ADAMTS8: variants seen among roughly 807,000 people sequenced by gnomAD.
ADAMTS8 encodes the protein ADAM metallopeptidase with thrombospondin type 1 motif 8, also known as A disintegrin and metalloproteinase with thrombospondin motifs 8.
A neutral mutation model predicts 64.4 loss-of-function variants in ADAMTS8; 50 were observed. The ratio of observed to expected loss-of-function variants is 0.78; its 90% confidence interval spans 0.62 to 0.98. The LOEUF is 0.98. ADAMTS8 is among the 50% of genes least tolerant of loss of function. The pLI, the probability that ADAMTS8 is intolerant of heterozygous loss-of-function variation, is 0.00. For synonymous variants in ADAMTS8, 556 were observed against 533.6 expected (o/e 1.04, Z -0.58); for missense variants, 1,192 against 1,208.2 (o/e 0.99, Z 0.20).
Position 130,428,028 on chromosome 11 carries a change from AG to A in ADAMTS8, c.258del (p.Ser87ProfsTer20). The A allele has an allele frequency of 1.3e-6, 2 of 1,526,934 alleles. No homozygotes were observed. Among genetic ancestry groups the A allele is most frequent in the Non-Finnish European group, 1.7e-6 (2 of 1,143,668 alleles). 94.6% of individuals were successfully genotyped at this position (1,526,934 alleles called of 1,614,324 possible). A position where few individuals can be genotyped will look rare whatever the true frequency, so the allele number is the denominator to read the frequency against. On this transcript the variant is annotated frameshift_variant, in exon 1 of 9. Coordinates refer to ENST00000257359, the MANE Select transcript of ADAMTS8 (RefSeq NM_007037.6). LOFTEE classifies it high-confidence loss of function. ...CGCTCGCCCCCGGTCGCCCGGCCGG[AG>A]CCCCCGAGGCGCTCGATCTTGAACT... ...APEFKIERLG[G>X]SGRATGGERG... is the part of the protein sequence containing the mutation.
At chr11:130,413,715 T>A (rs991545643) in intron 5 of ADAMTS8, among the ~76,000 whole-genome samples, 3 of 152,180 alleles carry the variant, frequency 2.0e-5, no homozygotes, top group African/African-American at 7.2e-5. Flanking sequence ...ATCTGTCTCC[T>A]CTCCTCCTCT....
At chr11:130,419,669 G>A (rs973364384) in intron 1 of ADAMTS8, among the ~76,000 whole-genome samples, 3 of 152,212 alleles carry the variant, frequency 2.0e-5, no homozygotes, top group South Asian at 2.1e-4. Context: ...AGTCATATAT[G>A]GCTCGTGGCT....
intron 1 of ADAMTS8, among the ~76,000 whole-genome samples, chr11:130,426,780 G>A (rs1862172101): frequency 6.6e-6 from 1 of 152,222 alleles, no homozygotes; most frequent in Non-Finnish European, 1.5e-5. Context: ...CAGCTGGGTG[G>A]ACCAAGTGTG....
In ADAMTS8 at chr11:130,411,682, G is replaced by T; in HGVS notation, c.1567-82C>A. 1 of 1,415,568 alleles carries T rather than the reference G, an allele frequency of 7.1e-7. No individual in the cohort carries two copies. Among genetic ancestry groups the T allele is most frequent in the Admixed American group, 1.9e-5 (1 of 52,574 alleles). The allele number at this position is 1,415,568 out of a possible 1,614,324, so 87.7% of individuals were successfully genotyped here. A position where few individuals can be genotyped will look rare whatever the true frequency, so the allele number is the denominator to read the frequency against. ...TGTGTCACTGGGTGGCCAATGCCCT[G>T]GCTTCCTCATCTAGTCATTATCATC... is the stretch of plus-strand genomic sequence containing the variant. On this transcript the variant is annotated intron_variant, in intron 5 of 8. Coordinates refer to ENST00000257359, the MANE Select transcript of ADAMTS8 (RefSeq NM_007037.6). The surrounding 1 kb of genome is among the most constrained non-coding windows in gnomAD (Gnocchi z 4.2).
chr11:130,418,555 G>T (rs1862057218), intron 2 of ADAMTS8, among the ~76,000 whole-genome samples: 1 of 152,246 alleles, frequency 6.6e-6, no homozygotes, highest in Non-Finnish European at 1.5e-5. Context: ...ACCAGGGCCT[G>T]CCCGATGGGG....
At position 130,427,840 on chromosome 11, in the gene ADAMTS8, G is replaced by A. The variant is rs767446273; in HGVS notation, c.447C>T (p.Arg149=). ...CTCCGGCGGGACCCCAGCGCTGCAG[G>A]CGGTGCGGCTGAGCCAGGGAGCCCC... ...GAGGSLAQPH[R]LQRWGPAGAR... The change falls in exon 1 of 9, where the codon CGC becomes CGT. Residue 149 remains arginine, a synonymous_variant. Coordinates refer to ENST00000257359, the MANE Select transcript of ADAMTS8 (RefSeq NM_007037.6). The A allele has an allele frequency of 4.5e-6, 7 of 1,544,256 alleles. No homozygotes were observed. The highest frequency in any genetic ancestry group is 6.1e-6 in the Non-Finnish European group (7 of 1,148,410).
At chr11:130,409,100 G>C (rs900489650) in intron 6 of ADAMTS8, among the ~76,000 whole-genome samples, 160 bp from the exon 7 acceptor site, 1 of 152,122 alleles carries the variant, frequency 6.6e-6, no homozygotes, top group Non-Finnish European at 1.5e-5. Flanking sequence ...ATTCCTAGAC[G>C]CATGTGTGAC....
At chr11:130,427,439 G>A in intron 1 of ADAMTS8, 128 bp downstream of exon 1, 2 of 1,109,808 alleles carry the variant, frequency 1.8e-6, no homozygotes, top group Non-Finnish European at 2.5e-6. Context: ...TGGAGAAGAT[G>A]AGTGGGGAGG....
In ADAMTS8 at chr11:130,416,171, C is replaced by A. The variant is rs549538850; in HGVS notation, c.1256G>T (p.Gly419Val). ...GGGCCGCCGGTGCCTACCGTGCCCGCCGTCCAGAAGCTCTGTGAGATACAT... is the reference window on the plus strand; with the variant it reads ...GGGCCGCCGGTGCCTACCGTGCCCGACGTCCAGAAGCTCTGTGAGATACAT... ...SAMYLTELLD[G>V]GHGDCLLDAP... Residue 419 changes from glycine to valine, a missense_variant, in exon 4 of 9, where the codon GGC becomes GTC. Gly to Val is a moderately radical substitution (Grantham distance 109). Transcript: ENST00000257359. The surrounding 1 kb of genome is among the most constrained non-coding windows in gnomAD (Gnocchi z 4.8). The A allele has an allele frequency of 1.3e-6, 2 of 1,581,296 alleles. No homozygotes were observed. Among genetic ancestry groups the A allele is most frequent in the South Asian group, 1.1e-5 (1 of 87,090 alleles).
rs376876181 is a variant in ADAMTS8, at chr11:130,416,104, G to A, written c.1264+59C>T. ...AGGCACAGCTGGAGGGGGTCTCTGC[G>A]CCAGCACCAGTGGAAGGAGGCCCAC... On this transcript the variant is annotated intron_variant, in intron 4 of 8. Transcript: ENST00000257359. This position sits in a 1 kb window ranked among gnomAD's most constrained non-coding sequence, Gnocchi z 4.8. 42 of 1,487,148 alleles carry A rather than the reference G, an allele frequency of 2.8e-5. No individual in the cohort carries two copies. The highest frequency in any genetic ancestry group is 8.4e-5 in the Admixed American group (4 of 47,360). The allele number at this position is 1,487,148 out of a possible 1,614,324, so 92.1% of individuals were successfully genotyped here.
intron 1 of ADAMTS8, among the ~76,000 whole-genome samples, chr11:130,426,561 C>T (rs897064324): frequency 2.6e-5 from 4 of 152,210 alleles, no homozygotes; most frequent in Non-Finnish European, 5.9e-5. Context: ...GCAAAGAGCA[C>T]CCCTCTTCTG....
Position 130,421,896 on chromosome 11 carries a change from A to T in ADAMTS8, c.721-2604T>A, listed in dbSNP as rs150851434. On this transcript the variant is annotated intron_variant, in intron 1 of 8. Coordinates refer to ENST00000257359, the MANE Select transcript of ADAMTS8 (RefSeq NM_007037.6). ...GCCGATTTACACCTCCCTGCTCCCCACACCAATGCAAGCTGCATGTGAAGA... is the reference window on the plus strand; with the variant it reads ...GCCGATTTACACCTCCCTGCTCCCCTCACCAATGCAAGCTGCATGTGAAGA... Among the ~76,000 whole-genome samples, 21 of 152,334 alleles carry T rather than the reference A, an allele frequency of 1.4e-4. No individual in the cohort carries two copies. The East Asian group carries it at 3.7e-3, about 27-fold the overall frequency.
In ADAMTS8 at chr11:130,405,128, T is replaced by C. The variant is rs1015656465; in HGVS notation, c.*430A>G. 1.0e-6 allele frequency: 1 copy of C among 993,570 alleles called. No individual in the cohort carries two copies. The highest frequency in any genetic ancestry group is 1.7e-5 in the African/African-American group (1 of 57,428). 61.5% of individuals were successfully genotyped at this position (993,570 alleles called of 1,614,324 possible). ...TCCAGCTTTGGAGCCTGCTTTGACA[T>C]TCACCATTGACTCCCTGCCCCACGC... is the stretch of plus-strand genomic sequence containing the variant. On this transcript the variant is annotated 3_prime_UTR_variant, in exon 9 of 9. Coordinates refer to ENST00000257359, the MANE Select transcript of ADAMTS8 (RefSeq NM_007037.6).
rs757570751 is a variant in ADAMTS8 at position 130,408,660 on chromosome 11, G to T, written c.1924-21C>A. On this transcript the variant is annotated intron_variant, in intron 7 of 8. Transcript: ENST00000257359. ...ATCACCTGCAACGGGGAAAGGGAAG[G>T]TGAGGGAGGGCGTGTTGAGCACAGA... 4.3e-6 allele frequency: 7 copies of T among 1,613,420 alleles called. No homozygotes were observed. The Admixed American group carries it at 1.2e-4, about 27-fold the overall frequency.
chr11:130,427,109 C>T (rs963470809), intron 1 of ADAMTS8, among the ~76,000 whole-genome samples: 1 of 152,274 alleles, frequency 6.6e-6, no homozygotes, highest in Non-Finnish European at 1.5e-5. Flanking sequence ...CCATCTCTCT[C>T]CATCCCATCT....
intron 8 of ADAMTS8, among the ~76,000 whole-genome samples, chr11:130,406,552 A>G (rs1333508854): frequency 6.6e-6 from 1 of 152,164 alleles, no homozygotes; most frequent in African/African-American, 2.4e-5. Context: ...TCAAACCCAC[A>G]TGGAAAAAAC....
At position 130,427,483 on chromosome 11, in the gene ADAMTS8, G is replaced by T; in HGVS notation, c.720+84C>A. ...TTTTTTTTTTTTTTTTTCTCAGAGGGATTGGAAGGGGAGATTTTAGAGACG... is the reference window on the plus strand; with the variant it reads ...TTTTTTTTTTTTTTTTTCTCAGAGGTATTGGAAGGGGAGATTTTAGAGACG... On this transcript the variant is annotated intron_variant, in intron 1 of 8. Transcript: ENST00000257359. 3 of 893,726 alleles carry T rather than the reference G, an allele frequency of 3.4e-6. No individual in the cohort carries two copies. The South Asian group carries it at 5.0e-5, about 15-fold the overall frequency. The allele number at this position is 893,726 out of a possible 1,614,324, so 55.4% of individuals were successfully genotyped here.
At chr11:130,427,458 T>TC in intron 1 of ADAMTS8, 109 bp downstream of exon 1, 1 of 1,021,328 alleles carries the variant, frequency 9.8e-7, no homozygotes, top group Non-Finnish European at 1.3e-6. Context: ...GGGCTTTTTT[T>TC]TTTTTTTTTT....
At chr11:130,422,411 G>T (rs548085099) in intron 1 of ADAMTS8, among the ~76,000 whole-genome samples, 1 of 152,102 alleles carries the variant, frequency 6.6e-6, no homozygotes, top group African/African-American at 2.4e-5. Context: ...TGATGGGGAC[G>T]GGCCGGCCTC....
Sources: gnomAD v4.1 joint callset for allele counts (sites outside exome capture counted in the v4.1 genomes callset) on GRCh38, gnomAD v4.1.1 for gene constraint, Gnocchi (gnomAD v3.1) non-coding constraint, MANE v1.5 for transcripts, NCBI Gene and HGNC (gene_info 2026-07-23, HGNC 2026-07-21) for gene names.